The following RFTN1 variants were observed in gnomAD, a reference collection of about 807,000 sequenced individuals.
RFTN1 encodes raftlin.
A neutral mutation model predicts 46.5 loss-of-function variants in RFTN1; 26 were observed. That is an observed-to-expected ratio of 0.56 (90% CI 0.41 to 0.78). The LOEUF is 0.78. RFTN1 is among the 30% of genes least tolerant of loss of function. The probability of loss-of-function intolerance (pLI) is 0.00; values close to 1 mark genes in which losing one functional copy is unlikely to be tolerated. For missense variants in RFTN1, 693 were observed against 718.7 expected (o/e 0.96, Z 0.41); for synonymous variants, 261 against 284.2 (o/e 0.92, Z 0.82).
In RFTN1 at chr3:16,381,751, A is replaced by AT. The variant is rs1239864123; in HGVS notation, c.442-3650dup. Among the ~76,000 whole-genome samples the AT allele has an allele frequency of 1.3e-5, 2 of 152,156 alleles. No homozygotes were observed. The highest frequency in any genetic ancestry group is 2.4e-5 in the African/African-American group (1 of 41,416). On this transcript the variant is annotated intron_variant, in intron 4 of 9. Transcript: ENST00000334133. This position sits in a 1 kb window ranked among gnomAD's most constrained non-coding sequence, Gnocchi z 4.2. ...TGGTGTGTTGAGGAAATTTCTAGAA[A>AT]TATTTCTGGAACATGACATGAGAAA...
chr3:16,318,526 C>T (rs1312522367), intron 9 of RFTN1, among the ~76,000 whole-genome samples: 1 of 152,112 alleles, frequency 6.6e-6, no homozygotes, highest in East Asian at 1.9e-4. Flanking sequence ...TAAAAATCTG[C>T]CATTTTTGTA....
At chr3:16,406,817 C>A (rs2125442972) in intron 4 of RFTN1, among the ~76,000 whole-genome samples, 1 of 152,210 alleles carries the variant, frequency 6.6e-6, no homozygotes, top group South Asian at 2.1e-4. Context: ...TTTCTAAGAA[C>A]CTACACAGTG....
At chr3:16,389,829 C>T (rs2074304111) in intron 4 of RFTN1, among the ~76,000 whole-genome samples, 4 of 152,328 alleles carry the variant, frequency 2.6e-5, no homozygotes, top group South Asian at 4.1e-4. Flanking sequence ...CACTATGGGT[C>T]CTTATGACGG....
In RFTN1 at chr3:16,329,141, G is replaced by C. The variant is rs766487008; in HGVS notation, c.1147-2265C>G. 6.6e-6 allele frequency among the ~76,000 whole-genome samples: 1 copy of C among 152,238 alleles called. No homozygotes were observed. The highest frequency in any genetic ancestry group is 1.5e-5 in the Non-Finnish European group (1 of 68,038). ...CAAAGGGCTTGAGGCTACAAGTTCA[G>C]TCTCCTGCTCTCTCCCCTCTTTTCT... On this transcript the variant is annotated intron_variant, in intron 7 of 9. Transcript: ENST00000334133. This position sits in a 1 kb window ranked among gnomAD's most constrained non-coding sequence, Gnocchi z 4.5.
intron 6 of RFTN1, among the ~76,000 whole-genome samples, chr3:16,358,808 G>T (rs1302837535): frequency 6.6e-6 from 1 of 152,070 alleles, no homozygotes; most frequent in Non-Finnish European, 1.5e-5. Flanking sequence ...AAGGCAGGAG[G>T]ATTCACTGAG....
In RFTN1 at chr3:16,327,895, T is replaced by C. The variant is rs2069890425; in HGVS notation, c.1147-1019A>G. Among the ~76,000 whole-genome samples the C allele has an allele frequency of 6.6e-6, 1 of 152,184 alleles. No individual in the cohort carries two copies. The highest frequency in any genetic ancestry group is 1.5e-5 in the Non-Finnish European group (1 of 68,018). ...AACAGGCCTCATTTCTTACTACGGG[T>C]TCCTCACTAACACTCAAAGTGTAGC... On this transcript the variant is annotated intron_variant, in intron 7 of 9. Transcript: ENST00000334133. The surrounding 1 kb of genome is among the most constrained non-coding windows in gnomAD (Gnocchi z 4.2).
Position 16,500,959 on chromosome 3 carries a change from A to G in RFTN1, c.-8-7082T>C, listed in dbSNP as rs1348819708. Reference sequence around the variant, plus strand: ...GGAAGTCTGGACAGAATGCGGGAGCATTCGGAACAAATCGCTGTTATATAA... The same window carrying G: ...GGAAGTCTGGACAGAATGCGGGAGCGTTCGGAACAAATCGCTGTTATATAA... On this transcript the variant is annotated intron_variant, in intron 1 of 9. Transcript: ENST00000334133. This position sits in a 1 kb window ranked among gnomAD's most constrained non-coding sequence, Gnocchi z 5.9. 6.6e-6 allele frequency among the ~76,000 whole-genome samples: 1 copy of G among 152,222 alleles called. No homozygotes were observed. The highest frequency in any genetic ancestry group is 1.5e-5 in the Non-Finnish European group (1 of 68,044).
rs77799138 is a variant in RFTN1, at chr3:16,442,910, C to G, written c.146-8873G>C. ...AGCCATGCTGTTGTAAATGGAGGATCATCTTCTTTTTTAAGGCTGAATAAT... is the reference window on the plus strand; with the variant it reads ...AGCCATGCTGTTGTAAATGGAGGATGATCTTCTTTTTTAAGGCTGAATAAT... On this transcript the variant is annotated intron_variant, in intron 2 of 9. Coordinates refer to ENST00000334133, the MANE Select transcript of RFTN1 (RefSeq NM_015150.2). The surrounding 1 kb of genome is among the most constrained non-coding windows in gnomAD (Gnocchi z 4.1). Among the ~76,000 whole-genome samples, 3,162 of 152,280 alleles carry G rather than the reference C, an allele frequency of 0.021. 108 individuals are homozygous for G. Among genetic ancestry groups the G allele is most frequent in the African/African-American group, 0.072 (2,975 of 41,548 alleles).
At position 16,317,822 on chromosome 3, in the gene RFTN1, C is replaced by A. The variant is rs1300128744; in HGVS notation, c.1333-590G>T. Among the ~76,000 whole-genome samples, 2 of 139,360 alleles carry A rather than the reference C, an allele frequency of 1.4e-5. No individual in the cohort carries two copies. The allele number at this position is 139,360 out of a possible 152,430, so 91.4% of individuals were successfully genotyped here. On this transcript the variant is annotated intron_variant, in intron 9 of 9. Transcript: ENST00000334133. The surrounding 1 kb of genome is among the most constrained non-coding windows in gnomAD (Gnocchi z 4.3). ...TCACAGAAGGGTCACACCAGGGCAA[C>A]CTACAACCAATGACTGCCCCAGGTG...
At chr3:16,358,168 G>T (rs1408384915) in intron 6 of RFTN1, 121 bp from the exon 7 acceptor site, 8 of 644,260 alleles carry the variant, frequency 1.2e-5, no homozygotes, top group African/African-American at 1.8e-5. Context: ...CATCTTTTCA[G>T]CATGTTAATT....
intron 3 of RFTN1, among the ~76,000 whole-genome samples, chr3:16,415,168 T>C (rs1032814946): frequency 6.6e-6 from 1 of 151,856 alleles, no homozygotes; most frequent in African/African-American, 2.4e-5. Context: ...ATTTTCAAGG[T>C]AAAACCTTCA....
intron 4 of RFTN1, among the ~76,000 whole-genome samples, chr3:16,379,044 C>T (rs1471863576): frequency 6.6e-6 from 1 of 152,202 alleles, no homozygotes; most frequent in Non-Finnish European, 1.5e-5. Flanking sequence ...GGCAAGGATG[C>T]TTAAGTCATT....
At chr3:16,486,920 A>G (rs1218619202) in intron 2 of RFTN1, among the ~76,000 whole-genome samples, 1 of 152,224 alleles carries the variant, frequency 6.6e-6, no homozygotes, top group Non-Finnish European at 1.5e-5. Flanking sequence ...GATGAGACAC[A>G]AGAGAGCTTG....
intron 7 of RFTN1, 52 bp downstream of exon 7, chr3:16,357,880 A>G: frequency 8.7e-7 from 1 of 1,148,618 alleles, no homozygotes; most frequent in Non-Finnish European, 1.3e-6. Context: ...GCAGGCGGAT[A>G]AAACAAGTGC....
Position 16,411,862 on chromosome 3 carries a change from T to C in RFTN1, c.333-2379A>G, listed in dbSNP as rs560043514. Among the ~76,000 whole-genome samples, 24 of 152,334 alleles carry C rather than the reference T, an allele frequency of 1.6e-4. No individual in the cohort carries two copies. The East Asian group carries it at 4.4e-3, about 28-fold the overall frequency. ...TGAATAGACTAAAAAACTATAATCA[T>C]TTTAAATAAGTCAATGCTGTATCCA... is the stretch of plus-strand genomic sequence containing the variant. On this transcript the variant is annotated intron_variant, in intron 3 of 9. Coordinates refer to ENST00000334133, the MANE Select transcript of RFTN1 (RefSeq NM_015150.2).
chr3:16,379,384 G>A (rs1236150837), intron 4 of RFTN1, among the ~76,000 whole-genome samples: 1 of 152,270 alleles, frequency 6.6e-6, no homozygotes, highest in African/African-American at 2.4e-5. Flanking sequence ...ACTGTCTACT[G>A]TAGACCTACT....
rs540897643 is a variant in RFTN1 at position 16,449,866 on chromosome 3, C to T, written c.146-15829G>A. 7.2e-5 allele frequency among the ~76,000 whole-genome samples: 11 copies of T among 152,178 alleles called. No individual in the cohort carries two copies. In the East Asian group the frequency reaches 1.5e-3, roughly 21 times the overall value. ...GGGATGTGAGGAGGAAGGGGCAGGG[C>T]GTGTCTGCAATGGAACTGCAGAAGC... is the stretch of plus-strand genomic sequence containing the variant. On this transcript the variant is annotated intron_variant, in intron 2 of 9. Coordinates refer to ENST00000334133, the MANE Select transcript of RFTN1 (RefSeq NM_015150.2). This position sits in a 1 kb window ranked among gnomAD's most constrained non-coding sequence, Gnocchi z 5.1.
chr3:16,366,257 G>A (rs531737999), intron 6 of RFTN1, among the ~76,000 whole-genome samples: 3 of 149,810 alleles, frequency 2.0e-5, no homozygotes, highest in Admixed American at 2.0e-4. Context: ...CCTCCTCGCT[G>A]GGTCTTCAGG....
Position 16,493,909 on chromosome 3 carries a change from AT to A in RFTN1, c.-8-33del, listed in dbSNP as rs746002150. 138 of 1,611,068 alleles carry A rather than the reference AT, an allele frequency of 8.6e-5. 1 individual carries two copies. In the East Asian group the frequency reaches 1.3e-3, roughly 15 times the overall value. ...GCCAAAGGAAAAAGGCGGGGAGGTG[AT>A]TTTTTTCTGAGATTTTGTCTTTAAA... On this transcript the variant is annotated intron_variant, in intron 1 of 9. Transcript: ENST00000334133.
Sources: allele counts gnomAD v4.1 joint callset (sites outside exome capture counted in the v4.1 genomes callset), GRCh38; gene constraint gnomAD v4.1.1; non-coding constraint Gnocchi (gnomAD v3.1); transcripts MANE v1.5; gene names NCBI Gene and HGNC (gene_info 2026-07-23, HGNC 2026-07-21).